CDC42SE2: variants seen among roughly 807,000 people sequenced by gnomAD.
CDC42SE2 encodes CDC42 small effector 2.
Under a neutral mutation model 11.5 loss-of-function variants are expected in CDC42SE2, and 3 were observed. The ratio of observed to expected loss-of-function variants is 0.26; its 90% confidence interval spans 0.12 to 0.67. The LOEUF (loss-of-function observed/expected upper bound fraction) is 0.67, where lower values mean the gene tolerates loss of function less well. Ranked by LOEUF, CDC42SE2 falls within the 30% of genes least tolerant of loss-of-function variation. The probability of loss-of-function intolerance (pLI) is 0.80; values close to 1 mark genes in which losing one functional copy is unlikely to be tolerated. For missense variants in CDC42SE2, 82 were observed against 106.8 expected, an observed-to-expected ratio of 0.77 and a Z score of 1.02; for synonymous variants, 33 against 34.8, an observed-to-expected ratio of 0.95 and a Z score of 0.18.
At chr5:131,259,303 G>A (rs943944382), upstream of CDC42SE2, among the ~76,000 whole-genome samples, 3 of 152,128 alleles carry the variant, frequency 2.0e-5, no homozygotes, top group Non-Finnish European at 4.4e-5. Context: ...TATACTGTAT[G>A]TTGTATACAT....
intron 3 of CDC42SE2, among the ~76,000 whole-genome samples, chr5:131,361,459 G>A (rs1347018965): frequency 6.6e-6 from 1 of 152,198 alleles, no homozygotes; most frequent in Non-Finnish European, 1.5e-5. Flanking sequence ...ACCTCTAGGG[G>A]AGCATACAGA....
chr5:131,362,313 C>G (rs190488782), intron 3 of CDC42SE2, among the ~76,000 whole-genome samples: 3 of 152,130 alleles, frequency 2.0e-5, no homozygotes, highest in Admixed American at 2.0e-4. Flanking sequence ...CTTTTTGATT[C>G]CTGAGAAAAA....
chr5:131,390,786 G>A (rs999064738), intron 4 of CDC42SE2, among the ~76,000 whole-genome samples: 2 of 152,016 alleles, frequency 1.3e-5, no homozygotes, highest in Admixed American at 6.6e-5. Context: ...AGAAAATAGG[G>A]GTTTTTGCAA....
intron 2 of CDC42SE2, among the ~76,000 whole-genome samples, chr5:131,337,919 G>A (rs1228530390): frequency 6.6e-6 from 1 of 152,204 alleles, no homozygotes; most frequent in African/African-American, 2.4e-5. Context: ...GCACTTCCGG[G>A]GTGAGGCGAT....
chr5:131,361,492 C>T (rs925014754), intron 3 of CDC42SE2, among the ~76,000 whole-genome samples: 6 of 152,136 alleles, frequency 3.9e-5, no homozygotes, highest in Non-Finnish European at 8.8e-5. Flanking sequence ...GGGTTCTGAC[C>T]CCACGACAAT....
intron 1 of CDC42SE2, among the ~76,000 whole-genome samples, chr5:131,312,590 A>G (rs1259807888): frequency 6.6e-6 from 1 of 152,048 alleles, no homozygotes; most frequent in Admixed American, 6.5e-5. Context: ...GCAATCAGCG[A>G]TACTCCGTGG....
intron 2 of CDC42SE2, among the ~76,000 whole-genome samples, chr5:131,319,954 G>A (rs1184027063): frequency 6.7e-6 from 1 of 150,236 alleles, no homozygotes; most frequent in Admixed American, 6.7e-5. Context: ...GGGAGGCCAA[G>A]GCAGAAGAAT....
intron 2 of CDC42SE2, among the ~76,000 whole-genome samples, chr5:131,353,910 T>G (rs1230071114): frequency 7.1e-6 from 1 of 140,556 alleles, no homozygotes; most frequent in Non-Finnish European, 1.6e-5. Flanking sequence ...AAACTCTGTC[T>G]AAAAAAAAAA....
chr5:131,293,607 A>G (rs943290019), intron 1 of CDC42SE2, among the ~76,000 whole-genome samples: 6 of 150,588 alleles, frequency 4.0e-5, no homozygotes, highest in Non-Finnish European at 5.9e-5. Context: ...CCCTCACCAG[A>G]CTCTGAATCC....
rs916907967 is a variant in CDC42SE2, at chr5:131,387,241, C to T, written c.156+1597C>T. 2.7e-4 allele frequency among the ~76,000 whole-genome samples: 41 copies of T among 152,258 alleles called. 1 individual carries two copies. Among genetic ancestry groups the T allele is most frequent in the African/African-American group, 9.6e-4 (40 of 41,548 alleles). ...TCAACAGATGTTGTCTCTGCCACCTCAGATTTTTAAAAAATCCAACTATAA... is the reference window on the plus strand; with the variant it reads ...TCAACAGATGTTGTCTCTGCCACCTTAGATTTTTAAAAAATCCAACTATAA... On this transcript the variant is annotated intron_variant, in intron 4 of 4. Coordinates refer to ENST00000505065, the MANE Select transcript of CDC42SE2 (RefSeq NM_001375635.1).
intron 3 of CDC42SE2, among the ~76,000 whole-genome samples, chr5:131,372,652 G>A (rs1432956754): frequency 6.6e-6 from 1 of 151,928 alleles, no homozygotes; most frequent in Non-Finnish European, 1.5e-5. Flanking sequence ...GGCGGAGGTT[G>A]CAGTGAGCCG....
intron 3 of CDC42SE2, among the ~76,000 whole-genome samples, chr5:131,372,501 C>T (rs1009154089): frequency 1.3e-5 from 2 of 152,050 alleles, no homozygotes; most frequent in Non-Finnish European, 2.9e-5. Context: ...ATCACGACGT[C>T]AGGAGATAAA....
the CDC42SE2 span, among the ~76,000 whole-genome samples, chr5:131,213,019 C>T: frequency 2.6e-5 from 4 of 152,026 alleles, no homozygotes; most frequent in East Asian, 1.9e-4. Flanking sequence ...GGTGAAACCC[C>T]GTCTCTACTA....
Position 131,363,758 on chromosome 5 carries a change from C to T in CDC42SE2, c.54+4211C>T, listed in dbSNP as rs540616894. Among the ~76,000 whole-genome samples, 65 of 140,194 alleles carry T rather than the reference C, an allele frequency of 4.6e-4. No individual in the cohort carries two copies. In the South Asian group the frequency reaches 0.01, roughly 22 times the overall value. 92.0% of individuals were successfully genotyped at this position (140,194 alleles called of 152,430 possible). ...TCTCCCAAGCTGGAGTGCAGTGGTG[C>T]GATCTTGGCTCACTGCAACCTCCGC... is the stretch of plus-strand genomic sequence containing the variant. On this transcript the variant is annotated intron_variant, in intron 3 of 4. Coordinates refer to ENST00000505065, the MANE Select transcript of CDC42SE2 (RefSeq NM_001375635.1).
At chr5:131,224,022 A>G in the CDC42SE2 span, among the ~76,000 whole-genome samples, 2,741 of 152,252 alleles carry the variant, frequency 0.018, 62 homozygotes, top group East Asian at 0.099. Context: ...TTGCCAGGAC[A>G]GCATACCCTC....
rs1757394565 is a variant in CDC42SE2 at position 131,288,888 on chromosome 5, AG to A, written c.-455+24725del. Reference sequence around the variant, plus strand: ...AGACATTTTCAGGCACTGAAATTTAAGGGTTGTTGTTGTTCCTTCTACCCCC... The same window carrying A: ...AGACATTTTCAGGCACTGAAATTTAAGGTTGTTGTTGTTCCTTCTACCCCC... On this transcript the variant is annotated intron_variant, in intron 1 of 4. Transcript: ENST00000505065. Among the ~76,000 whole-genome samples, 3 of 152,184 alleles carry A rather than the reference AG, an allele frequency of 2.0e-5. No homozygotes were observed. In the South Asian group the frequency reaches 6.2e-4, roughly 32 times the overall value.
At chr5:131,293,315 T>C (rs911947905) in intron 1 of CDC42SE2, among the ~76,000 whole-genome samples, 14 of 152,190 alleles carry the variant, frequency 9.2e-5, no homozygotes, top group African/African-American at 2.7e-4. Flanking sequence ...CTCACGTCTG[T>C]AATCCCAGCA....
Position 131,391,174 on chromosome 5 carries a change from T to C in CDC42SE2, c.*83T>C, listed in dbSNP as rs1750640818. On this transcript the variant is annotated 3_prime_UTR_variant, in exon 5 of 5. Coordinates refer to ENST00000505065, the MANE Select transcript of CDC42SE2 (RefSeq NM_001375635.1). The stretch of plus-strand genomic sequence containing the variant: ...ATGGCCAGGCCAATAATAGTAAATA[T>C]ATGTATATATATATAATTTTTTAAT... 1.8e-6 allele frequency: 1 copy of C among 545,130 alleles called. No homozygotes were observed. The highest frequency in any genetic ancestry group is 4.9e-5 in the South Asian group (1 of 20,446). The allele number at this position is 545,130 out of a possible 1,614,324, so 33.8% of individuals were successfully genotyped here. A position where few individuals can be genotyped will look rare whatever the true frequency, so the allele number is the denominator to read the frequency against.
At chr5:131,305,954 C>T (rs1318128029) in intron 1 of CDC42SE2, among the ~76,000 whole-genome samples, 2 of 152,176 alleles carry the variant, frequency 1.3e-5, no homozygotes, top group Non-Finnish European at 2.9e-5. Context: ...TAATGGTCCA[C>T]TTTTATTCTT....
Sources: allele counts gnomAD v4.1 joint callset (sites outside exome capture counted in the v4.1 genomes callset), GRCh38; gene constraint gnomAD v4.1.1; transcripts MANE v1.5; gene names NCBI Gene and HGNC (gene_info 2026-07-23, HGNC 2026-07-21).